The following GAA variants were observed in gnomAD, a reference collection of about 807,000 sequenced individuals.
GAA encodes the protein alpha glucosidase, also known as lysosomal alpha-glucosidase.
A neutral mutation model predicts 103.9 loss-of-function variants in GAA; 88 were observed. The observed-to-expected ratio is 0.85, with a 90% CI of 0.71 to 1.01. The LOEUF (loss-of-function observed/expected upper bound fraction) is 1.01, where lower values mean the gene tolerates loss of function less well. Among genes scored for constraint, GAA ranks in the 50% least tolerant of loss-of-function variants. GAA has a pLI of 0.00. For missense variants in GAA, 1,350 were observed against 1,305.3 expected (o/e 1.03, Z -0.53); for synonymous variants, 572 against 563.1 (o/e 1.02, Z -0.22).
chr17:80,110,689 G>T, intron 9 of GAA, 38 bp from the exon 10 acceptor site: 1 of 1,571,740 alleles, frequency 6.4e-7, no homozygotes, highest in South Asian at 1.1e-5. Context: ...GGCCCTGGGT[G>T]GGGCCGGGTC....
chr17:80,119,087 G>A (rs552456320), intron 19 of GAA, among the ~76,000 whole-genome samples, 185 bp from the exon 20 acceptor site: 1 of 152,314 alleles, frequency 6.6e-6, no homozygotes, highest in South Asian at 2.1e-4. Context: ...GAGAGCCGGG[G>A]TCCCCCTGCG....
At position 80,105,111 on chromosome 17, in the gene GAA, T is replaced by C. The variant is rs2039047153; in HGVS notation, c.525T>C (p.Thr175=). 2 of 1,608,294 alleles carry C rather than the reference T, an allele frequency of 1.2e-6. No individual in the cohort carries two copies. The highest frequency in any genetic ancestry group is 2.2e-5 in the East Asian group (1 of 44,826). The change falls in exon 2 of 20, where the codon ACT becomes ACC. Residue 175 remains threonine (T), a synonymous_variant. Transcript: ENST00000302262. ...TGCGGCTGGACGTGATGATGGAGAC[T>C]GAGAACCGCCTCCACTTCACGGTGG... The part of the protein sequence containing the change: ...LTLRLDVMME[T]ENRLHFTIKD...
At position 80,104,274 on chromosome 17, in the gene GAA, C is replaced by G. The variant is rs886239644; in HGVS notation, c.-32-281C>G. On this transcript the variant is annotated intron_variant, in intron 1 of 19. Coordinates refer to ENST00000302262, the MANE Select transcript of GAA (RefSeq NM_000152.5). The surrounding 1 kb of genome is among the most constrained non-coding windows in gnomAD (Gnocchi z 4.0). ...TGTTTGGCCTGTTTCAAGTGTCTAC[C>G]TGCCTTGCTGGTCTTCCTGGGGACA... 1.2e-4 allele frequency among the ~76,000 whole-genome samples: 18 copies of G among 151,916 alleles called. No individual in the cohort carries two copies. The highest frequency in any genetic ancestry group is 4.4e-4 in the African/African-American group (18 of 41,376).
Position 80,112,091 on chromosome 17 carries a change from C to T in GAA, c.1745C>T (p.Ala582Val). 6.2e-7 allele frequency: 1 copy of T among 1,613,798 alleles called. No individual in the cohort carries two copies. The highest frequency in any genetic ancestry group is 8.5e-7 in the Non-Finnish European group (1 of 1,179,818). ...HNLYGLTEAIASHRALVKARG... is the reference protein window; with the variant it reads ...HNLYGLTEAIVSHRALVKARG... ...CTCTACGGCCTGACCGAAGCCATCGCCTCCCACAGGTGAGGGCCACGTCCC... is the reference window on the plus strand; with the variant it reads ...CTCTACGGCCTGACCGAAGCCATCGTCTCCCACAGGTGAGGGCCACGTCCC... The change falls in exon 12 of 20, where the codon GCC (alanine) becomes GTC (valine). Residue 582 changes from alanine (A) to valine (V), a missense_variant. Coordinates refer to ENST00000302262, the MANE Select transcript of GAA (RefSeq NM_000152.5).
chr17:80,108,096 G>A (rs2143851417), intron 5 of GAA, among the ~76,000 whole-genome samples, 194 bp from the exon 6 acceptor site: 1 of 152,284 alleles, frequency 6.6e-6, no homozygotes, highest in East Asian at 1.9e-4. Flanking sequence ...CCTGGAGGTG[G>A]GCTGGCACCA....
chr17:80,110,879 G>A lies in GAA; in HGVS notation c.1551+39G>A, dbSNP rs762336013. The A allele has an allele frequency of 6.2e-6, 10 of 1,613,178 alleles. No homozygotes were observed. In the South Asian group the frequency reaches 7.7e-5, roughly 12 times the overall value. On this transcript the variant is annotated intron_variant, in intron 10 of 19. Transcript: ENST00000302262. ...CCTCCTGAGCATCCCCAAGGCCTCT[G>A]GGGACTACCCCACCCTCCTCACTCT... is the stretch of plus-strand genomic sequence containing the variant.
At chr17:80,113,098 C>G in intron 14 of GAA, 71 bp downstream of exon 14, 1 of 1,554,792 alleles carries the variant, frequency 6.4e-7, no homozygotes. Context: ...GGAATCCCAC[C>G]CCTGCTGGAG....
rs1442314 is a variant in GAA, at chr17:80,103,199, T to C, written c.-33+1309T>C. Among the ~76,000 whole-genome samples the C allele has an allele frequency of 0.75, 114,046 of 152,146 alleles. 43,084 individuals carry two copies. The highest frequency in any genetic ancestry group is 0.87 in the Middle Eastern group (256 of 294). ...ACCAGCTCCCAGTACCAGAGAAGGTTGCACAGTCCTCTGCTCCAAGGAGCT... is the reference window on the plus strand; with the variant it reads ...ACCAGCTCCCAGTACCAGAGAAGGTCGCACAGTCCTCTGCTCCAAGGAGCT... On this transcript the variant is annotated intron_variant, in intron 1 of 19. Coordinates refer to ENST00000302262, the MANE Select transcript of GAA (RefSeq NM_000152.5).
In GAA at chr17:80,107,638, A is replaced by G. The variant is rs753112231; in HGVS notation, c.774A>G (p.Thr258=). ...CCTCGCTGCCCTCGCAGTATATCAC[A>G]GGCCTCGCCGAGCACCTCAGTCCCC... ...LSTSLPSQYI[T]GLAEHLSPLM... is the part of the protein sequence containing the mutation. Residue 258 remains threonine, a synonymous_variant, in exon 4 of 20, where the codon ACA becomes ACG. Coordinates refer to ENST00000302262, the MANE Select transcript of GAA (RefSeq NM_000152.5). The G allele has an allele frequency of 1.2e-6, 2 of 1,613,114 alleles. No individual in the cohort carries two copies. Among genetic ancestry groups the G allele is most frequent in the Admixed American group, 3.3e-5 (2 of 60,028 alleles).
intron 8 of GAA, 49 bp from the exon 9 acceptor site, chr17:80,109,896 C>T (rs368270528): frequency 1.3e-5 from 19 of 1,436,440 alleles, no homozygotes; most frequent in East Asian, 2.3e-5. Flanking sequence ...CCGTGGCTGG[C>T]GCCAGGGCTC....
At position 80,119,578 on chromosome 17, in the gene GAA, G is replaced by T; in HGVS notation, c.*247G>T. ...CCGGGGCCCTGGAGGGCTGCTCTGT[G>T]TTAATAAGATTGTAAGGTTTGCCCT... is the stretch of plus-strand genomic sequence containing the variant. On this transcript the variant is annotated 3_prime_UTR_variant, in exon 20 of 20. Transcript: ENST00000302262. 1.9e-6 allele frequency: 1 copy of T among 520,332 alleles called. No individual in the cohort carries two copies. Among genetic ancestry groups the T allele is most frequent in the South Asian group, 2.0e-5 (1 of 50,254 alleles). 32.2% of individuals were successfully genotyped at this position (520,332 alleles called of 1,614,324 possible). A position where few individuals can be genotyped will look rare whatever the true frequency, so the allele number is the denominator to read the frequency against.
Position 80,104,779 on chromosome 17 carries a change from C to T in GAA, c.193C>T (p.Pro65Ser), listed in dbSNP as rs1598569443. The part of the protein sequence containing the change: ...AHQQGASRPG[P>S]RDAQAHPGRP... ...CCAGCAGGGAGCCAGCAGACCAGGG[C>T]CCCGGGATGCCCAGGCACACCCCGG... The change falls in exon 2 of 20, where the codon CCC (proline) becomes TCC (serine). Residue 65 changes from proline (P) to serine (S), a missense_variant. Pro to Ser is a moderately conservative substitution (Grantham distance 74, BLOSUM62 -1). Coordinates refer to ENST00000302262, the MANE Select transcript of GAA (RefSeq NM_000152.5). The surrounding 1 kb of genome is among the most constrained non-coding windows in gnomAD (Gnocchi z 4.0). 1.9e-6 allele frequency: 3 copies of T among 1,611,460 alleles called. No individual in the cohort carries two copies. Among genetic ancestry groups the T allele is most frequent in the Non-Finnish European group, 1.7e-6 (2 of 1,179,444 alleles).
intron 15 of GAA, among the ~76,000 whole-genome samples, chr17:80,114,033 G>A (rs562709936): frequency 7.3e-6 from 1 of 137,832 alleles, no homozygotes; most frequent in Non-Finnish European, 1.5e-5. Flanking sequence ...AGCTGTGAAA[G>A]ACTCCACAGG....
rs2039380447 is a variant in GAA at position 80,117,464 on chromosome 17, AG to A, written c.2332-135del. On this transcript the variant is annotated intron_variant, in intron 16 of 19. Coordinates refer to ENST00000302262, the MANE Select transcript of GAA (RefSeq NM_000152.5). ...CAGTGAGCCCTGAGTCTGCGCCTGA[AG>A]TCACAGTTCAGCCCGTCTGTGCCAG... 6.8e-6 allele frequency: 7 copies of A among 1,033,920 alleles called. No individual in the cohort carries two copies. In the South Asian group the frequency reaches 9.0e-5, roughly 13 times the overall value. The allele number at this position is 1,033,920 out of a possible 1,614,324, so 64.0% of individuals were successfully genotyped here.
In GAA at chr17:80,117,026, C is replaced by T. The variant is rs2143919200; in HGVS notation, c.2248C>T (p.Leu750=). The change falls in exon 16 of 20, where the codon CTG becomes TTG. Residue 750 remains leucine, a synonymous_variant. Coordinates refer to ENST00000302262, the MANE Select transcript of GAA (RefSeq NM_000152.5). ...CCACCAGCTCCTGTGGGGGGAGGCC[C>T]TGCTCATCACCCCAGTGCTCCAGGC... The part of the protein sequence containing the change: ...VDHQLLWGEA[L]LITPVLQAGK... The T allele has an allele frequency of 6.2e-7, 1 of 1,613,716 alleles. No individual in the cohort carries two copies. The highest frequency in any genetic ancestry group is 8.5e-7 in the Non-Finnish European group (1 of 1,180,030).
Position 80,116,950 on chromosome 17 carries a change from T to C in GAA, c.2190-18T>C. The C allele has an allele frequency of 6.2e-7, 1 of 1,613,598 alleles. No individual in the cohort carries two copies. Among genetic ancestry groups the C allele is most frequent in the South Asian group, 1.1e-5 (1 of 91,086 alleles). On this transcript the variant is annotated intron_variant, in intron 15 of 19. Coordinates refer to ENST00000302262, the MANE Select transcript of GAA (RefSeq NM_000152.5). ...CCCATTCATCACCCGTATGCCTGTG[T>C]GCCCATCCCCCTTGCAGGTTCCCCA...
chr17:80,112,698 C>T lies in GAA; in HGVS notation c.1875C>T (p.Ala625=). ...TGTGGAGCTCCTGGGAGCAGCTCGC[C>T]TCCTCCGTGCCAGGTGAGCTCCTAC... The part of the protein sequence containing the change: ...GDVWSSWEQL[A]SSVPEILQFN... Residue 625 remains alanine (A), a synonymous_variant, in exon 13 of 20, where the codon GCC becomes GCT. Transcript: ENST00000302262. 6.2e-7 allele frequency: 1 copy of T among 1,608,644 alleles called. No homozygotes were observed. Among genetic ancestry groups the T allele is most frequent in the African/African-American group, 1.3e-5 (1 of 74,980 alleles).
At chr17:80,106,009 T>C (rs1246948887) in intron 3 of GAA, 115 bp downstream of exon 3, 1 of 1,399,376 alleles carries the variant, frequency 7.1e-7, no homozygotes, top group Non-Finnish European at 9.6e-7. Flanking sequence ...CACATGTTTG[T>C]TTCTCACACG....
Position 80,104,503 on chromosome 17 carries a change from G to A in GAA, c.-32-52G>A, listed in dbSNP as rs768897879. 822 of 1,347,160 alleles carry A rather than the reference G, an allele frequency of 6.1e-4. 1 individual carries two copies. The highest frequency in any genetic ancestry group is 7.7e-4 in the Non-Finnish European group (761 of 994,148). 83.5% of individuals were successfully genotyped at this position (1,347,160 alleles called of 1,614,324 possible). On this transcript the variant is annotated intron_variant, in intron 1 of 19. Transcript: ENST00000302262. The surrounding 1 kb of genome is among the most constrained non-coding windows in gnomAD (Gnocchi z 4.0). ...GTCTCAGAGCTGCTTTGAGAGCCCC[G>A]TGAGTGCCGCCCCTCCCGCCTCCCT...
Sources: allele counts gnomAD v4.1 joint callset (sites outside exome capture counted in the v4.1 genomes callset), GRCh38; gene constraint gnomAD v4.1.1; non-coding constraint Gnocchi (gnomAD v3.1); transcripts MANE v1.5; gene names NCBI Gene and HGNC (gene_info 2026-07-23, HGNC 2026-07-21).